The following HS3ST4 variants were observed in gnomAD, a reference collection of about 807,000 sequenced individuals.
HS3ST4 encodes the protein heparan sulfate glucosamine 3-O-sulfotransferase 4.
Under a neutral mutation model 29.2 loss-of-function variants are expected in HS3ST4, and 17 were observed. That is an observed-to-expected ratio of 0.58 (90% CI 0.40 to 0.87). HS3ST4 has a LOEUF of 0.87. HS3ST4 is among the 40% of genes least tolerant of loss of function. The pLI, the probability that HS3ST4 is intolerant of heterozygous loss-of-function variation, is 0.00. For synonymous variants in HS3ST4, 314 were observed against 285.7 expected (o/e 1.10, Z -1.00); for missense variants, 627 against 634.5 (o/e 0.99, Z 0.13).
At chr16:25,796,801 G>A (rs964459194) in intron 1 of HS3ST4, among the ~76,000 whole-genome samples, 2 of 152,194 alleles carry the variant, frequency 1.3e-5, no homozygotes, top group Non-Finnish European at 2.9e-5. Flanking sequence ...CACTTTTAAT[G>A]ACATGCTAAT....
intron 1 of HS3ST4, among the ~76,000 whole-genome samples, chr16:26,011,090 G>C (rs1188606916): frequency 6.6e-6 from 1 of 152,082 alleles, no homozygotes; most frequent in Non-Finnish European, 1.5e-5. Context: ...ATAGCAGCAC[G>C]TGCACTTACA....
chr16:25,969,553 A>C (rs1239423657), intron 1 of HS3ST4, among the ~76,000 whole-genome samples: 2 of 152,096 alleles, frequency 1.3e-5, no homozygotes, highest in Non-Finnish European at 2.9e-5. Flanking sequence ...GTAGACCTTT[A>C]CTCAATTCCA....
chr16:25,805,239 A>T (rs148461534), intron 1 of HS3ST4, among the ~76,000 whole-genome samples: 26 of 152,330 alleles, frequency 1.7e-4, no homozygotes, highest in African/African-American at 6.3e-4. Flanking sequence ...GGACAAAGGG[A>T]AGCTTTTATT....
intron 1 of HS3ST4, among the ~76,000 whole-genome samples, chr16:25,708,155 C>G (rs1966388944): frequency 6.6e-6 from 1 of 152,170 alleles, no homozygotes; most frequent in Admixed American, 6.5e-5. Flanking sequence ...ACTCAGCTAT[C>G]CCTGCTATTT....
At chr16:26,103,836 C>T (rs1899017904) in intron 1 of HS3ST4, among the ~76,000 whole-genome samples, 1 of 152,120 alleles carries the variant, frequency 6.6e-6, no homozygotes, top group Non-Finnish European at 1.5e-5. Context: ...ATCAATGTCA[C>T]TAAAAACCAC....
intron 1 of HS3ST4, among the ~76,000 whole-genome samples, chr16:25,967,559 A>G (rs112284991): frequency 1.3e-5 from 2 of 152,326 alleles, no homozygotes; most frequent in African/African-American, 4.8e-5. Flanking sequence ...TTTTTACAAA[A>G]TTGTCCGCCA....
chr16:25,976,125 C>T lies in HS3ST4; in HGVS notation c.735-159487C>T, dbSNP rs191045192. 4.9e-4 allele frequency among the ~76,000 whole-genome samples: 75 copies of T among 152,298 alleles called. 1 individual carries two copies. Among genetic ancestry groups the T allele is most frequent in the Admixed American group, 4.1e-3 (62 of 15,288 alleles). On this transcript the variant is annotated intron_variant, in intron 1 of 1. Coordinates refer to ENST00000331351, the MANE Select transcript of HS3ST4 (RefSeq NM_006040.3). Reference sequence around the variant, plus strand: ...AGTATATGTAAAACTGTACCCTCAACAGCAATGAATTTTAAACATTTGTCC... The same window carrying T: ...AGTATATGTAAAACTGTACCCTCAATAGCAATGAATTTTAAACATTTGTCC...
intron 1 of HS3ST4, among the ~76,000 whole-genome samples, chr16:25,932,878 G>A (rs549659736): frequency 5.3e-5 from 8 of 152,344 alleles, no homozygotes; most frequent in Admixed American, 6.5e-5. Context: ...AGACAGGGAA[G>A]GTGAAATTTA....
At chr16:25,775,576 T>C (rs79823585) in intron 1 of HS3ST4, among the ~76,000 whole-genome samples, 1 of 152,176 alleles carries the variant, frequency 6.6e-6, no homozygotes, top group Non-Finnish European at 1.5e-5. Flanking sequence ...CCCCACCACA[T>C]GCACCTCGTA....
intron 1 of HS3ST4, among the ~76,000 whole-genome samples, chr16:25,757,161 T>C (rs2141604507): frequency 6.6e-6 from 1 of 152,324 alleles, no homozygotes; most frequent in South Asian, 2.1e-4. Context: ...AATAGTGTTC[T>C]CTAGATTTTT....
chr16:26,135,518 A>T, intron 1 of HS3ST4, 94 bp from the exon 2 acceptor site: 1 of 1,253,878 alleles, frequency 8.0e-7, no homozygotes, highest in Non-Finnish European at 1.1e-6. Context: ...GGTGGTTCCA[A>T]ACTAGGTTGT....
intron 1 of HS3ST4, among the ~76,000 whole-genome samples, chr16:25,946,483 G>A (rs1004033076): frequency 6.6e-6 from 1 of 152,150 alleles, no homozygotes; most frequent in Non-Finnish European, 1.5e-5. Flanking sequence ...TGTCTTCTCT[G>A]CTATCTAAGC....
chr16:26,034,675 G>A (rs962835882), intron 1 of HS3ST4, among the ~76,000 whole-genome samples: 3 of 150,432 alleles, frequency 2.0e-5, no homozygotes, highest in East Asian at 2.0e-4. Flanking sequence ...GGGCGGGGGG[G>A]GGTCTCACCA....
In HS3ST4 at chr16:25,918,677, G is replaced by C. The variant is rs371629011; in HGVS notation, c.735-216935G>C. On this transcript the variant is annotated intron_variant, in intron 1 of 1. Coordinates refer to ENST00000331351, the MANE Select transcript of HS3ST4 (RefSeq NM_006040.3). ...CATCGGAGGAATAAAGCGCCAGCCA[G>C]TGTGGTCGGATCTCAGAGTGCTGAG... Among the ~76,000 whole-genome samples, 4 of 152,232 alleles carry C rather than the reference G, an allele frequency of 2.6e-5. No individual in the cohort carries two copies. The East Asian group carries it at 5.8e-4, about 22-fold the overall frequency.
At chr16:25,834,883 G>T (rs1967341841) in intron 1 of HS3ST4, among the ~76,000 whole-genome samples, 1 of 152,152 alleles carries the variant, frequency 6.6e-6, no homozygotes, top group Admixed American at 6.5e-5. Flanking sequence ...GGAGGCAGAG[G>T]TTGCAGTGAG....
At chr16:25,847,192 T>G (rs1372564717) in intron 1 of HS3ST4, among the ~76,000 whole-genome samples, 7 of 152,304 alleles carry the variant, frequency 4.6e-5, no homozygotes, top group Non-Finnish European at 1.0e-4. Flanking sequence ...TATTGTTAAA[T>G]GTACTTTAGT....
chr16:25,927,858 C>T (rs991583127), intron 1 of HS3ST4, among the ~76,000 whole-genome samples: 2 of 151,906 alleles, frequency 1.3e-5, no homozygotes, highest in African/African-American at 4.8e-5. Flanking sequence ...GAGGATGTAA[C>T]TGTGATTTGA....
chr16:26,049,390 GGTCTACATCC>G (rs927912356), intron 1 of HS3ST4, among the ~76,000 whole-genome samples: 4 of 149,804 alleles, frequency 2.7e-5, no homozygotes, highest in South Asian at 2.1e-4. Context: ...TACATCCGGA[GGTCTACATCC>G]GGAGAATGAT....
At chr16:25,693,671 C>G (rs1439419704) in intron 1 of HS3ST4, among the ~76,000 whole-genome samples, 1 of 152,186 alleles carries the variant, frequency 6.6e-6, no homozygotes, top group African/African-American at 2.4e-5. Flanking sequence ...TTACAAAGAT[C>G]ATGCTGGCGT....
Sources: allele counts gnomAD v4.1 joint callset (sites outside exome capture counted in the v4.1 genomes callset), GRCh38; gene constraint gnomAD v4.1.1; transcripts MANE v1.5; gene names NCBI Gene and HGNC (gene_info 2026-07-23, HGNC 2026-07-21).